The following PDZRN4 variants were observed in gnomAD, a reference collection of about 807,000 sequenced individuals.
The protein encoded by PDZRN4 is PDZ domain-containing RING finger protein 4.
In PDZRN4, 70 loss-of-function variants were observed where a neutral mutation model predicts 99.0. The observed-to-expected ratio is 0.71, with a 90% CI of 0.58 to 0.86. The LOEUF is 0.86. PDZRN4 is among the 40% of genes least tolerant of loss of function. The pLI, the probability that PDZRN4 is intolerant of heterozygous loss-of-function variation, is 0.00. For synonymous variants in PDZRN4, 551 were observed against 501.6 expected (o/e 1.10, Z -1.32); for missense variants, 1,474 against 1,331.2 (o/e 1.11, Z -1.67).
intron 3 of PDZRN4, among the ~76,000 whole-genome samples, chr12:41,312,307 G>C (rs901225183): frequency 1.3e-5 from 2 of 150,926 alleles, no homozygotes; most frequent in African/African-American, 2.4e-5. Flanking sequence ...TTTCTCTATA[G>C]CAAAAAGAGA....
At chr12:41,417,293 T>A (rs1026630137) in intron 3 of PDZRN4, among the ~76,000 whole-genome samples, 36 of 152,234 alleles carry the variant, frequency 2.4e-4, no homozygotes, top group African/African-American at 8.2e-4. Context: ...GCCAGATGTT[T>A]TATAGGCAAT....
intron 8 of PDZRN4, among the ~76,000 whole-genome samples, chr12:41,565,096 G>T (rs1189105581): frequency 1.3e-5 from 2 of 152,112 alleles, no homozygotes; most frequent in Admixed American, 1.3e-4. Context: ...ATCTTTGATG[G>T]AATACATATG....
At chr12:41,324,067 T>C (rs1004089873) in intron 3 of PDZRN4, among the ~76,000 whole-genome samples, 5 of 152,036 alleles carry the variant, frequency 3.3e-5, no homozygotes, top group African/African-American at 1.2e-4. Context: ...ATATATGAAA[T>C]AGGATGTTGT....
chr12:41,273,202 A>G (rs1566412739), intron 3 of PDZRN4, among the ~76,000 whole-genome samples: 1 of 152,068 alleles, frequency 6.6e-6, no homozygotes, highest in Non-Finnish European at 1.5e-5. Context: ...GGATAGAAAT[A>G]TCAAAGAGGC....
intron 3 of PDZRN4, among the ~76,000 whole-genome samples, chr12:41,274,114 C>T (rs1044564870): frequency 6.6e-6 from 1 of 151,874 alleles, no homozygotes; most frequent in African/African-American, 2.4e-5. Flanking sequence ...GGGATAACTA[C>T]CTCACCAATA....
chr12:41,340,862 C>T (rs1951810957), intron 3 of PDZRN4, among the ~76,000 whole-genome samples: 1 of 151,814 alleles, frequency 6.6e-6, no homozygotes, highest in African/African-American at 2.4e-5. Context: ...CACTTCAAAA[C>T]TCATGAGGCC....
intron 3 of PDZRN4, among the ~76,000 whole-genome samples, chr12:41,399,939 A>C (rs957661354): frequency 5.3e-5 from 8 of 151,976 alleles, no homozygotes; most frequent in Admixed American, 5.3e-4. Flanking sequence ...TGCAAAGGGC[A>C]CAGTAAAAAG....
chr12:41,369,041 T>C (rs750950674), intron 3 of PDZRN4, among the ~76,000 whole-genome samples: 1 of 152,138 alleles, frequency 6.6e-6, no homozygotes, highest in Non-Finnish European at 1.5e-5. Flanking sequence ...GCCCAGATTG[T>C]ACTCATTTCC....
At chr12:41,464,561 A>C (rs530051029) in intron 3 of PDZRN4, among the ~76,000 whole-genome samples, 1 of 152,198 alleles carries the variant, frequency 6.6e-6, no homozygotes, top group African/African-American at 2.4e-5. Flanking sequence ...TTTTTGGCAT[A>C]AAATTTTAGT....
At position 41,188,759 on chromosome 12, in the gene PDZRN4, G is replaced by A. The variant is rs747704716; in HGVS notation, c.304G>A (p.Glu102Lys). The A allele has an allele frequency of 1.0e-5, 15 of 1,461,156 alleles. No homozygotes were observed. In the South Asian group the frequency reaches 1.3e-4, roughly 12 times the overall value. The allele number at this position is 1,461,156 out of a possible 1,614,324, so 90.5% of individuals were successfully genotyped here. The change falls in exon 1 of 10, where the codon GAG (glutamate) becomes AAG (lysine). Residue 102 changes from glutamate to lysine, a missense_variant. By Grantham distance (56) the Glu-to-Lys change is moderately conservative. Coordinates refer to ENST00000402685, the MANE Select transcript of PDZRN4 (RefSeq NM_001164595.2). Reference protein sequence around the residue: ...VRLHELEAHVEHCDFGPARRL... With the variant: ...VRLHELEAHVKHCDFGPARRL... ...GCTGCACGAGCTGGAGGCGCACGTC[G>A]AGCACTGCGACTTCGGCCCTGCCCG...
intron 3 of PDZRN4, among the ~76,000 whole-genome samples, chr12:41,338,518 A>G (rs1331501599): frequency 6.6e-6 from 1 of 151,968 alleles, no homozygotes; most frequent in Non-Finnish European, 1.5e-5. Context: ...AACCAACCAA[A>G]CTATTGGTTT....
At chr12:41,530,196 C>T (rs1285461994) in intron 5 of PDZRN4, among the ~76,000 whole-genome samples, 1 of 152,194 alleles carries the variant, frequency 6.6e-6, no homozygotes, top group Non-Finnish European at 1.5e-5. Flanking sequence ...CCAACGCTCA[C>T]GTTTAGAAAA....
chr12:41,545,882 A>G (rs1160268933), intron 5 of PDZRN4, among the ~76,000 whole-genome samples: 1 of 152,052 alleles, frequency 6.6e-6, no homozygotes, highest in African/African-American at 2.4e-5. Flanking sequence ...AGAACTGCAG[A>G]CAGAAGAGGT....
chr12:41,467,541 G>A (rs573580112), intron 3 of PDZRN4, among the ~76,000 whole-genome samples: 1 of 152,264 alleles, frequency 6.6e-6, no homozygotes, highest in East Asian at 1.9e-4. Flanking sequence ...GAATTTCTGG[G>A]TTCTATATTC....
chr12:41,324,220 A>T lies in PDZRN4; in HGVS notation c.843+130032A>T, dbSNP rs117598845. ...ATGAGATTTTGCAGATACCACCAGC[A>T]AGTTATTAAATGTCTCCTTAAACAT... On this transcript the variant is annotated intron_variant, in intron 3 of 9. Coordinates refer to ENST00000402685, the MANE Select transcript of PDZRN4 (RefSeq NM_001164595.2). 6.2e-4 allele frequency among the ~76,000 whole-genome samples: 95 copies of T among 152,210 alleles called. 3 individuals are homozygous for T. The East Asian group carries it at 0.018, about 28-fold the overall frequency.
At chr12:41,479,636 T>G (rs1392140836) in intron 3 of PDZRN4, among the ~76,000 whole-genome samples, 4 of 152,138 alleles carry the variant, frequency 2.6e-5, no homozygotes, top group African/African-American at 9.7e-5. Context: ...GAAAAGAGCT[T>G]CCTCTCTGGA....
intron 3 of PDZRN4, among the ~76,000 whole-genome samples, chr12:41,194,670 T>G (rs1591962773): frequency 6.6e-6 from 1 of 152,168 alleles, no homozygotes; most frequent in Non-Finnish European, 1.5e-5. Context: ...AACTCTATTA[T>G]GATTCTATAT....
At chr12:41,276,760 C>A (rs562506302) in intron 3 of PDZRN4, among the ~76,000 whole-genome samples, 1 of 152,260 alleles carries the variant, frequency 6.6e-6, no homozygotes, top group African/African-American at 2.4e-5. Context: ...AGAATCACAT[C>A]AGCTAATGTA....
At chr12:41,444,486 G>A (rs574808907) in intron 3 of PDZRN4, among the ~76,000 whole-genome samples, 1 of 152,178 alleles carries the variant, frequency 6.6e-6, no homozygotes, top group Admixed American at 6.6e-5. Flanking sequence ...TAAACATCTT[G>A]CACACTACAT....
Sources: allele counts gnomAD v4.1 joint callset (sites outside exome capture counted in the v4.1 genomes callset), GRCh38; gene constraint gnomAD v4.1.1; transcripts MANE v1.5; gene names NCBI Gene and HGNC (gene_info 2026-07-23, HGNC 2026-07-21).